IGSF5: variants seen among roughly 807,000 people sequenced by gnomAD.
IGSF5 encodes immunoglobulin superfamily member 5, also known as immunoglobulin superfamily 5 like.
In IGSF5, 41 loss-of-function variants were observed where a neutral mutation model predicts 39.4. The ratio of observed to expected loss-of-function variants is 1.04; its 90% CI spans 0.81 to 1.35. The LOEUF is 1.35. Ranked by LOEUF, IGSF5 falls within the 40% of genes most tolerant of loss-of-function variation. The probability of loss-of-function intolerance (pLI) is 0.00; values close to 1 mark genes in which losing one functional copy is unlikely to be tolerated. For synonymous variants in IGSF5, 183 were observed against 175.3 expected, an observed-to-expected ratio of 1.04 and a Z score of -0.34; for missense variants, 487 against 494.6, an observed-to-expected ratio of 0.98 and a Z score of 0.15.
upstream of IGSF5, among the ~76,000 whole-genome samples, chr21:39,741,013 A>C (rs922389911): frequency 6.6e-6 from 1 of 152,008 alleles, no homozygotes; most frequent in African/African-American, 2.4e-5. Flanking sequence ...CCACTACATC[A>C]ATTTCCTTAC....
At position 39,751,625 on chromosome 21, in the gene IGSF5, G is replaced by A. The variant is rs8129939; in HGVS notation, c.100+5327G>A. 7.4e-4 allele frequency among the ~76,000 whole-genome samples: 111 copies of A among 150,522 alleles called. 1 individual carries two copies. Among genetic ancestry groups the A allele is most frequent in the Admixed American group, 2.5e-3 (37 of 15,048 alleles). ...ACTTGGCTGAAATTTGATGGGCTGG[G>A]GGGGGTGGGGTCAGGATTCAATTAA... On this transcript the variant is annotated intron_variant, in intron 2 of 8. Transcript: ENST00000380588.
chr21:39,748,199 C>A (rs8128320), intron 2 of IGSF5, among the ~76,000 whole-genome samples: 1 of 148,542 alleles, frequency 6.7e-6, no homozygotes, highest in Non-Finnish European at 1.5e-5. Flanking sequence ...GCAGAGTCAG[C>A]GTCTTGGTGA....
upstream of IGSF5, among the ~76,000 whole-genome samples, chr21:39,741,275 C>T (rs181162110): frequency 2.7e-3 from 407 of 152,216 alleles, 1 homozygote; most frequent in African/African-American, 8.4e-3. Flanking sequence ...GCGTATATAA[C>T]GGTCTGGCTA....
chr21:39,795,279 G>A (rs1177665553), intron 8 of IGSF5, among the ~76,000 whole-genome samples: 1 of 152,174 alleles, frequency 6.6e-6, no homozygotes, highest in Non-Finnish European at 1.5e-5. Flanking sequence ...CAGTCTCTGA[G>A]TGAAAGGTGG....
intron 6 of IGSF5, among the ~76,000 whole-genome samples, chr21:39,788,837 C>A (rs988352599): frequency 6.6e-6 from 1 of 152,116 alleles, no homozygotes; most frequent in Non-Finnish European, 1.5e-5. Flanking sequence ...TTTAGACAGA[C>A]GTTGTTTGTT....
At chr21:39,767,429 C>T (rs1302311474) in intron 3 of IGSF5, among the ~76,000 whole-genome samples, 1 of 152,106 alleles carries the variant, frequency 6.6e-6, no homozygotes, top group Non-Finnish European at 1.5e-5. Flanking sequence ...GGCTTGGCTG[C>T]CTGGGTCCAT....
At chr21:39,731,551 A>G in the IGSF5 span, among the ~76,000 whole-genome samples, 1 of 152,332 alleles carries the variant, frequency 6.6e-6, no homozygotes, top group East Asian at 1.9e-4. Context: ...TCCGGCTAGC[A>G]GCAAACAAGG....
intron 2 of IGSF5, among the ~76,000 whole-genome samples, chr21:39,764,622 G>C (rs2080076922): frequency 6.6e-6 from 1 of 152,182 alleles, no homozygotes. Context: ...TTACAGGTGT[G>C]AACCACTGCA....
chr21:39,732,852 C>T, the IGSF5 span, among the ~76,000 whole-genome samples: 1 of 151,830 alleles, frequency 6.6e-6, no homozygotes, highest in African/African-American at 2.4e-5. Context: ...ATGGTGAAAC[C>T]CTGTCTCTAC....
chr21:39,714,204 TTGG>T, the IGSF5 span, among the ~76,000 whole-genome samples: 1 of 152,248 alleles, frequency 6.6e-6, no homozygotes, highest in East Asian at 1.9e-4. Flanking sequence ...GCAGCTGTGC[TTGG>T]GACTACACTT....
At chr21:39,784,413 C>T (rs549511635) in intron 5 of IGSF5, among the ~76,000 whole-genome samples, 14 of 152,236 alleles carry the variant, frequency 9.2e-5, no homozygotes, top group Middle Eastern at 3.4e-3. Flanking sequence ...GAAGATTAAC[C>T]GATGGTTGTT....
At chr21:39,757,530 C>G (rs1483133981) in intron 2 of IGSF5, among the ~76,000 whole-genome samples, 1 of 151,676 alleles carries the variant, frequency 6.6e-6, no homozygotes, top group African/African-American at 2.4e-5. Flanking sequence ...GGGCCCACAC[C>G]AGGGGTTTCT....
chr21:39,773,888 T>C (rs138297983), intron 4 of IGSF5, among the ~76,000 whole-genome samples: 11 of 152,332 alleles, frequency 7.2e-5, no homozygotes, highest in Non-Finnish European at 1.6e-4. Flanking sequence ...TCTGGCCTGA[T>C]TGATGGTACC....
At chr21:39,764,326 G>A (rs2080075377) in intron 2 of IGSF5, among the ~76,000 whole-genome samples, 1 of 152,126 alleles carries the variant, frequency 6.6e-6, no homozygotes, top group Non-Finnish European at 1.5e-5. Flanking sequence ...GGGCTATAAT[G>A]AGATTCTTTT....
At chr21:39,714,875 G>A in the IGSF5 span, among the ~76,000 whole-genome samples, 35 of 152,066 alleles carry the variant, frequency 2.3e-4, no homozygotes, top group African/African-American at 7.5e-4. Context: ...ATTTTGTTTG[G>A]GGGAAGACTC....
chr21:39,788,024 A>G, intron 5 of IGSF5, 143 bp from the exon 6 acceptor site: 1 of 632,514 alleles, frequency 1.6e-6, no homozygotes, highest in Non-Finnish European at 2.8e-6. Flanking sequence ...ATAATTTGGT[A>G]TGGGAAAACT....
the IGSF5 span, among the ~76,000 whole-genome samples, chr21:39,721,676 TTCC>T: frequency 4.8e-5 from 2 of 41,382 alleles, no homozygotes; most frequent in Admixed American, 2.1e-4. Context: ...CATCTGTCCC[TTCC>T]TTCCTTCCTT....
chr21:39,745,694 C>T (rs2079970598), intron 1 of IGSF5, among the ~76,000 whole-genome samples, 168 bp downstream of exon 1: 1 of 152,126 alleles, frequency 6.6e-6, no homozygotes, highest in Non-Finnish European at 1.5e-5. Context: ...CCAATGTCCC[C>T]AACAACCCCA....
chr21:39,748,711 T>C (rs931597018), intron 2 of IGSF5, among the ~76,000 whole-genome samples: 1 of 152,194 alleles, frequency 6.6e-6, no homozygotes, highest in Non-Finnish European at 1.5e-5. Context: ...GGGAACACAA[T>C]TCCGTTTATA....
Sources: allele counts gnomAD v4.1 joint callset (sites outside exome capture counted in the v4.1 genomes callset), GRCh38; gene constraint gnomAD v4.1.1; transcripts MANE v1.5; gene names NCBI Gene and HGNC (gene_info 2026-07-23, HGNC 2026-07-21).